Variants in IL4R observed in about 807,000 individuals in gnomAD.
IL4R encodes the protein interleukin 4 receptor, also known as interleukin-4 receptor subunit alpha.
In IL4R, 17 loss-of-function variants were observed where a neutral mutation model predicts 41.5. The observed-to-expected ratio is 0.41, with a 90% CI of 0.28 to 0.61. The LOEUF is 0.61. Among genes scored for constraint, IL4R ranks in the 20% least tolerant of loss-of-function variants. The pLI is 0.31. For missense variants in IL4R, 974 were observed against 1,043.1 expected (o/e 0.93, Z 0.91); for synonymous variants, 402 against 422.9 (o/e 0.95, Z 0.61).
intron 6 of IL4R, among the ~76,000 whole-genome samples, chr16:27,351,252 A>G (rs1429842461): frequency 1.3e-5 from 2 of 152,212 alleles, no homozygotes; most frequent in Non-Finnish European, 2.9e-5. Context: ...ATTCCTTCCC[A>G]TGTGCCCTTT....
intron 6 of IL4R, among the ~76,000 whole-genome samples, chr16:27,347,895 CCT>C (rs1226688823): frequency 6.6e-6 from 1 of 152,266 alleles, no homozygotes; most frequent in Non-Finnish European, 1.5e-5. Context: ...GATGAGCTCC[CCT>C]GTTTGGCCCA....
intron 1 of IL4R, chr16:27,315,318 A>G (rs1596730059): frequency 6.6e-6 from 1 of 152,368 alleles, no homozygotes; most frequent in African/African-American, 2.4e-5. Context: ...AGCCCAGCCC[A>G]TGAATGGGAG....
chr16:27,317,702 G>A (rs2084687554), intron 1 of IL4R, among the ~76,000 whole-genome samples: 1 of 152,188 alleles, frequency 6.6e-6, no homozygotes, highest in African/African-American at 2.4e-5. Context: ...GGGATCCCAG[G>A]TTTAAATCGG....
At chr16:27,341,317 C>T (rs1478805254) in intron 3 of IL4R, 1 of 608,006 alleles carries the variant, frequency 1.6e-6, no homozygotes. Context: ...AGAGAAGGTA[C>T]TTTGGGGAGG....
At chr16:27,352,756 A>G in intron 7 of IL4R, 60 bp downstream of exon 7, 1 of 1,544,078 alleles carries the variant, frequency 6.5e-7, no homozygotes, top group Non-Finnish European at 8.9e-7. Flanking sequence ...CCCTGTGGCC[A>G]GACACTTCCC....
chr16:27,352,735 C>T, intron 7 of IL4R, 39 bp downstream of exon 7: 1 of 1,594,482 alleles, frequency 6.3e-7, no homozygotes, highest in Non-Finnish European at 8.6e-7. Flanking sequence ...AATCTCCACT[C>T]TCCATTCTTC....
rs1378590113 is a variant in IL4R at position 27,344,911 on chromosome 16, C to T, written c.252C>T (p.Cys84=). 26 of 1,614,044 alleles carry T rather than the reference C, an allele frequency of 1.6e-5. No homozygotes were observed. Among genetic ancestry groups the T allele is most frequent in the Non-Finnish European group, 2.0e-5 (24 of 1,180,026 alleles). Residue 84 remains cysteine (C), a synonymous_variant, in exon 5 of 11, where the codon TGC becomes TGT. Coordinates refer to ENST00000395762, the MANE Select transcript of IL4R (RefSeq NM_000418.4). ...CTGAGAACAACGGAGGCGCGGGGTGCGTGTGCCACCTGCTCATGGATGACG... is the reference window on the plus strand; with the variant it reads ...CTGAGAACAACGGAGGCGCGGGGTGTGTGTGCCACCTGCTCATGGATGACG... ...CIPENNGGAG[C]VCHLLMDDVV...
intron 2 of IL4R, among the ~76,000 whole-genome samples, chr16:27,335,059 G>A (rs922617733): frequency 6.6e-6 from 1 of 152,068 alleles, no homozygotes; most frequent in Admixed American, 6.6e-5. Context: ...GCAGCGGCCA[G>A]TTCTTGTATA....
intron 1 of IL4R, among the ~76,000 whole-genome samples, chr16:27,328,685 C>T (rs2085031276): frequency 6.6e-6 from 1 of 152,148 alleles, no homozygotes; most frequent in African/African-American, 2.4e-5. Context: ...GGCTTGTGGT[C>T]TCTCAGAGGG....
intron 2 of IL4R, among the ~76,000 whole-genome samples, chr16:27,336,877 A>G (rs1223319826): frequency 6.6e-6 from 1 of 151,820 alleles, no homozygotes; most frequent in Admixed American, 6.6e-5. Context: ...TCGGGAGTTC[A>G]AGACCAGCCT....
At chr16:27,338,081 C>T (rs540581143) in intron 2 of IL4R, among the ~76,000 whole-genome samples, 22 of 150,654 alleles carry the variant, frequency 1.5e-4, no homozygotes, top group Admixed American at 1.3e-3. Context: ...CTCGGCCTCC[C>T]GTGTAGCTGG....
Position 27,355,857 on chromosome 16 carries a change from C to T in IL4R, c.720C>T (p.Ser240=). The change falls in exon 8 of 11, where the codon TCC becomes TCT. Residue 240 remains serine (S), a synonymous_variant. Transcript: ENST00000395762. The stretch of plus-strand genomic sequence containing the variant: ...ACCTCCTGCTGGGCGTCAGCGTTTC[C>T]TGCATTGTCATCCTGGCCGTCTGCC... ...EQHLLLGVSV[S]CIVILAVCLL... 3 of 1,613,758 alleles carry T rather than the reference C, an allele frequency of 1.9e-6. No individual in the cohort carries two copies. Among genetic ancestry groups the T allele is most frequent in the Non-Finnish European group, 1.7e-6 (2 of 1,179,956 alleles).
intron 1 of IL4R, among the ~76,000 whole-genome samples, chr16:27,318,087 G>A (rs573527500): frequency 1.5e-4 from 23 of 152,112 alleles, no homozygotes; most frequent in Non-Finnish European, 3.2e-4. Context: ...TGAAATCCAC[G>A]ATTTCTGAAA....
At chr16:27,358,828 A>G in intron 8 of IL4R, 88 bp from the exon 9 acceptor site, 1 of 937,994 alleles carries the variant, frequency 1.1e-6, no homozygotes, top group Non-Finnish European at 1.8e-6. Flanking sequence ...GATGCCAAAT[A>G]AGTATTGGTG....
Position 27,345,009 on chromosome 16 carries a change from C to T in IL4R, c.350C>T (p.Pro117Leu). 6.2e-7 allele frequency: 1 copy of T among 1,613,484 alleles called. No homozygotes were observed. The highest frequency in any genetic ancestry group is 8.5e-7 in the Non-Finnish European group (1 of 1,179,956). The change falls in exon 5 of 11, where the codon CCC becomes CTC. Residue 117 changes from proline to leucine, a missense_variant. Pro to Leu is a moderately conservative substitution (Grantham distance 98). Transcript: ENST00000395762. This position sits in a 1 kb window ranked among gnomAD's most constrained non-coding sequence, Gnocchi z 4.5. ...QQLLWKGSFK[P>L]SEHVKPRAPG... ...CTGCTGTGGAAGGGCTCCTTCAAGC[C>T]CAGCGAGCATGGTGAGCAGGGCGGA...
At chr16:27,330,619 GT>G (rs1207409098) in intron 2 of IL4R, among the ~76,000 whole-genome samples, 1 of 152,044 alleles carries the variant, frequency 6.6e-6, no homozygotes, top group Non-Finnish European at 1.5e-5. Flanking sequence ...CACGGCATAG[GT>G]TTGTGTATGC....
At position 27,362,714 on chromosome 16, in the gene IL4R, G is replaced by A; in HGVS notation, c.1362G>A (p.Lys454=). 6.2e-7 allele frequency: 1 copy of A among 1,614,162 alleles called. No homozygotes were observed. ...ATGAGTTCCCAAGTGCAGGGCCCAA[G>A]GAGGCACCTCCCTGGGGCAAGGAGC... is the stretch of plus-strand genomic sequence containing the variant. The part of the protein sequence containing the change: ...PWDEFPSAGP[K]EAPPWGKEQP... The change falls in exon 11 of 11, where the codon AAG becomes AAA. Residue 454 remains lysine, a synonymous_variant. Coordinates refer to ENST00000395762, the MANE Select transcript of IL4R (RefSeq NM_000418.4).
intron 4 of IL4R, 149 bp from the exon 5 acceptor site, chr16:27,344,720 G>T: frequency 2.5e-6 from 2 of 810,174 alleles, no homozygotes; most frequent in Non-Finnish European, 3.9e-6. Context: ...GCACACCCTG[G>T]CCGCTCCCAA....
Position 27,342,113 on chromosome 16 carries a change from C to G in IL4R, c.71-8C>G, listed in dbSNP as rs1422337173. 1.9e-6 allele frequency: 3 copies of G among 1,613,694 alleles called. No individual in the cohort carries two copies. The highest frequency in any genetic ancestry group is 2.5e-6 in the Non-Finnish European group (3 of 1,179,786). On this transcript the variant is annotated splice_polypyrimidine_tract_variant and splice_region_variant and intron_variant, in intron 3 of 10. Transcript: ENST00000395762. ...TGGGCCGCTCAGGCTGCTCCTGTGTCTCCCCAGGGAACATGAAGGTCTTGC... is the reference window on the plus strand; with the variant it reads ...TGGGCCGCTCAGGCTGCTCCTGTGTGTCCCCAGGGAACATGAAGGTCTTGC...
Sources: allele counts gnomAD v4.1 joint callset (sites outside exome capture counted in the v4.1 genomes callset), GRCh38; gene constraint gnomAD v4.1.1; non-coding constraint Gnocchi (gnomAD v3.1); transcripts MANE v1.5; gene names NCBI Gene and HGNC (gene_info 2026-07-23, HGNC 2026-07-21).